The following SYNPR variants were observed in gnomAD, a reference collection of about 807,000 sequenced individuals.
SYNPR encodes synaptoporin.
In SYNPR, 23 loss-of-function variants were observed where a neutral mutation model predicts 32.9. The observed-to-expected ratio is 0.70, with a 90% confidence interval of 0.50 to 0.99. The LOEUF (loss-of-function observed/expected upper bound fraction) is 0.99. SYNPR is among the 50% of genes least tolerant of loss of function. The pLI is 0.00. For synonymous variants in SYNPR, 146 were observed against 135.9 expected (o/e 1.07, Z -0.52); for missense variants, 318 against 349.3 (o/e 0.91, Z 0.71).
intron 2 of SYNPR, among the ~76,000 whole-genome samples, chr3:63,437,175 C>T (rs1575643428): frequency 6.6e-6 from 1 of 152,092 alleles, no homozygotes; most frequent in Non-Finnish European, 1.5e-5. Context: ...GTGCCTGGCC[C>T]GTTTTCTTTC....
At chr3:63,495,394 A>T (rs1005213974) in intron 3 of SYNPR, among the ~76,000 whole-genome samples, 12 of 152,174 alleles carry the variant, frequency 7.9e-5, no homozygotes, top group Non-Finnish European at 1.8e-4. Flanking sequence ...GCAATGAAGG[A>T]TCTTTAGTTA....
intron 2 of SYNPR, among the ~76,000 whole-genome samples, chr3:63,290,798 G>A (rs1575587965): frequency 6.6e-6 from 1 of 152,112 alleles, no homozygotes; most frequent in South Asian, 2.1e-4. Context: ...GTCATTCTTT[G>A]GATCTGTTAT....
At chr3:63,267,993 C>T (rs148703028) in intron 3 of SYNPR, among the ~76,000 whole-genome samples, 281 of 152,278 alleles carry the variant, frequency 1.8e-3, no homozygotes, top group Non-Finnish European at 3.4e-3. Context: ...TTCATAACTT[C>T]AGACATGGTT....
intron 2 of SYNPR, among the ~76,000 whole-genome samples, chr3:63,301,149 T>C (rs2086841439): frequency 1.3e-5 from 2 of 152,140 alleles, no homozygotes; most frequent in African/African-American, 4.8e-5. Context: ...AAAATGAGAA[T>C]ACTAATCTTT....
At chr3:63,208,046 A>AACAC in the SYNPR span, among the ~76,000 whole-genome samples, 53 of 150,108 alleles carry the variant, frequency 3.5e-4, no homozygotes, top group Admixed American at 1.1e-3. Context: ...CACACACACA[A>AACAC]ACACACACAC....
chr3:63,535,546 G>A (rs951550198), intron 3 of SYNPR, among the ~76,000 whole-genome samples: 6 of 152,086 alleles, frequency 3.9e-5, no homozygotes, highest in Non-Finnish European at 8.8e-5. Context: ...TAAAATCTAG[G>A]TAATCAAGAC....
At chr3:63,481,951 G>A (rs1365126568) in intron 3 of SYNPR, among the ~76,000 whole-genome samples, 2 of 152,108 alleles carry the variant, frequency 1.3e-5, no homozygotes, top group Non-Finnish European at 2.9e-5. Context: ...GATGTGGCAG[G>A]AGCAGGTAAC....
At chr3:63,333,068 G>A (rs1311411161) in intron 2 of SYNPR, among the ~76,000 whole-genome samples, 1 of 152,126 alleles carries the variant, frequency 6.6e-6, no homozygotes, top group African/African-American at 2.4e-5. Flanking sequence ...AGAATAATAA[G>A]TCATATCCTA....
In SYNPR at chr3:63,278,875, C is replaced by G. The variant is rs553178653; in HGVS notation, c.84+133C>G. 4 of 1,050,610 alleles carry G rather than the reference C, an allele frequency of 3.8e-6. No individual in the cohort carries two copies. In the Admixed American group the frequency reaches 6.8e-5, roughly 18 times the overall value. The allele number at this position is 1,050,610 out of a possible 1,614,324, so 65.1% of individuals were successfully genotyped here. A position where few individuals can be genotyped will look rare whatever the true frequency, so the allele number is the denominator to read the frequency against. On this transcript the variant is annotated intron_variant, in intron 2 of 5. Coordinates refer to ENST00000478300, the MANE Select transcript of SYNPR (RefSeq NM_001130003.2). ...AACCCTCAAGCCGGGGATTTCAATC[C>G]TGCCCCCTCCTAAGATGCCGTTCCA...
At chr3:63,595,860 G>GTTATATATATATAATT (rs1559546474) in intron 4 of SYNPR, among the ~76,000 whole-genome samples, 2 of 48,786 alleles carry the variant, frequency 4.1e-5, no homozygotes, top group Non-Finnish European at 7.8e-5. Flanking sequence ...TATATATATA[G>GTTATATATATATAATT]TTATATATAT....
intron 3 of SYNPR, among the ~76,000 whole-genome samples, chr3:63,549,166 G>A (rs71298660): frequency 4.4e-4 from 67 of 152,118 alleles, no homozygotes; most frequent in South Asian, 1.2e-3. Flanking sequence ...GCTTTCTATC[G>A]GTCAGTCTAC....
intron 2 of SYNPR, among the ~76,000 whole-genome samples, chr3:63,363,497 T>C (rs1353828377): frequency 6.6e-6 from 1 of 152,178 alleles, no homozygotes; most frequent in Admixed American, 6.5e-5. Context: ...TGGTGATAAC[T>C]CAGTTTAGAA....
At chr3:63,279,702 G>A (rs2086610474) in intron 2 of SYNPR, among the ~76,000 whole-genome samples, 1 of 152,198 alleles carries the variant, frequency 6.6e-6, no homozygotes. Context: ...CTGACTAGCT[G>A]GGAAATTATG....
At chr3:63,327,265 A>G (rs1053557320) in intron 2 of SYNPR, among the ~76,000 whole-genome samples, 6 of 152,116 alleles carry the variant, frequency 3.9e-5, no homozygotes, top group African/African-American at 9.7e-5. Context: ...AACAACTAGA[A>G]CTTTTTTACA....
intron 3 of SYNPR, among the ~76,000 whole-genome samples, chr3:63,520,335 A>G (rs946597322): frequency 4.2e-4 from 64 of 152,150 alleles, no homozygotes; most frequent in African/African-American, 1.5e-3. Flanking sequence ...GGACAGCTGT[A>G]TAACTTATAC....
rs1345600416 is a variant in SYNPR at position 63,269,300 on chromosome 3, C to T, written n.287+1851C>T. ...GGCCAGGAGTTCAAGACCAACCTGG[C>T]CAACAGGGTGAAACCCCATCTCTAC... On this transcript the variant is annotated intron_variant and non_coding_transcript_variant, in intron 3 of 4. Coordinates refer to the SYNPR transcript ENST00000478456. 3.9e-5 allele frequency among the ~76,000 whole-genome samples: 6 copies of T among 152,140 alleles called. No individual in the cohort carries two copies. The South Asian group carries it at 1.0e-3, about 26-fold the overall frequency.
chr3:63,288,516 G>A (rs2086707319), intron 2 of SYNPR, among the ~76,000 whole-genome samples: 1 of 152,158 alleles, frequency 6.6e-6, no homozygotes, highest in African/African-American at 2.4e-5. Context: ...ATCCAAAGAG[G>A]TACACCTTTG....
chr3:63,378,222 A>G (rs1336644191), intron 2 of SYNPR, among the ~76,000 whole-genome samples: 2 of 151,994 alleles, frequency 1.3e-5, no homozygotes, highest in African/African-American at 2.4e-5. Context: ...TCAATTATAC[A>G]GTGGGAAAGG....
intron 1 of SYNPR, among the ~76,000 whole-genome samples, chr3:63,247,014 C>T (rs73115379): frequency 0.062 from 9,413 of 151,978 alleles, 374 homozygotes; most frequent in Middle Eastern, 0.085. Context: ...CACCATGGCA[C>T]ATGTTTACCT....
Sources: allele counts gnomAD v4.1 joint callset (sites outside exome capture counted in the v4.1 genomes callset), GRCh38; gene constraint gnomAD v4.1.1; transcripts MANE v1.5; gene names NCBI Gene and HGNC (gene_info 2026-07-23, HGNC 2026-07-21).